COPS2: variants seen among roughly 807,000 people sequenced by gnomAD.
COPS2 encodes the protein COP9 signalosome subunit 2.
In COPS2, 10 loss-of-function variants were observed where a neutral mutation model predicts 66.1. The ratio of observed to expected loss-of-function variants is 0.15; its 90% CI spans 0.09 to 0.26. COPS2 has a LOEUF of 0.26. Among genes scored for constraint, COPS2 ranks in the 10% least tolerant of loss-of-function variants. The probability of loss-of-function intolerance (pLI) is 1.00; values close to 1 mark genes in which losing one functional copy is unlikely to be tolerated. For synonymous variants in COPS2, 179 were observed against 171.3 expected, an observed-to-expected ratio of 1.04 and a Z score of -0.35; for missense variants, 215 against 513.3, an observed-to-expected ratio of 0.42 and a Z score of 5.62.
Position 49,127,982 on chromosome 15 carries a change from G to C in COPS2, c.1300C>G (p.Leu434Val), listed in dbSNP as rs143666055. ...LDKWTNQLNS[L>V]NQAVVSKLA ...AGTTTACTGACTACAGCCTGGTTGA[G>C]AGAATTTAGTTGGTTGGTCCATTTA... The change falls in exon 13 of 13, where the codon CTC becomes GTC. Residue 434 changes from leucine (L) to valine (V), a missense_variant. Coordinates refer to ENST00000388901, the MANE Select transcript of COPS2 (RefSeq NM_004236.4). The C allele has an allele frequency of 6.2e-7, 1 of 1,613,956 alleles. No homozygotes were observed. Among genetic ancestry groups the C allele is most frequent in the East Asian group, 2.2e-5 (1 of 44,872 alleles).
chr15:49,147,061 T>C (rs973002903), intron 1 of COPS2, among the ~76,000 whole-genome samples: 24 of 152,160 alleles, frequency 1.6e-4, no homozygotes, highest in African/African-American at 5.5e-4. Flanking sequence ...AAGGGTATTC[T>C]TTAGGGAAGA....
rs779592559 is a variant in COPS2, at chr15:49,139,645, A to G, written c.255T>C (p.Phe85=). Residue 85 remains phenylalanine, a synonymous_variant, in exon 4 of 13, where the codon TTT becomes TTC. Coordinates refer to ENST00000388901, the MANE Select transcript of COPS2 (RefSeq NM_004236.4). ...MIKINFKLTN[F]PEMMNRYKQL... The stretch of plus-strand genomic sequence containing the variant: ...GCTTATATCTATTCATCATTTCTGG[A>G]AAGTTTGTCTGTGAGAAAAGAAAAA... 1.3e-6 allele frequency: 2 copies of G among 1,584,004 alleles called. No individual in the cohort carries two copies. Among genetic ancestry groups the G allele is most frequent in the Non-Finnish European group, 8.6e-7 (1 of 1,169,166 alleles).
chr15:49,137,239 C>A lies in COPS2; in HGVS notation c.463-12G>T. 1 of 1,581,682 alleles carries A rather than the reference C, an allele frequency of 6.3e-7. No homozygotes were observed. Among genetic ancestry groups the A allele is most frequent in the Admixed American group, 1.9e-5 (1 of 52,728 alleles). ...TATAATTTTCCAAGCTGCAAGAAAG[C>A]AAATTTATTAAAATCAAGATTTCAA... is the stretch of plus-strand genomic sequence containing the variant. On this transcript the variant is annotated splice_polypyrimidine_tract_variant and intron_variant, in intron 5 of 12. Coordinates refer to ENST00000388901, the MANE Select transcript of COPS2 (RefSeq NM_004236.4).
chr15:49,149,820 A>G (rs1363095305), intron 1 of COPS2, among the ~76,000 whole-genome samples: 2 of 152,194 alleles, frequency 1.3e-5, no homozygotes, highest in Non-Finnish European at 2.9e-5. Flanking sequence ...ATATGTTGGC[A>G]CACTAAGAGG....
intron 3 of COPS2, among the ~76,000 whole-genome samples, chr15:49,142,535 G>T (rs1220032796): frequency 6.6e-6 from 1 of 152,194 alleles, no homozygotes; most frequent in Non-Finnish European, 1.5e-5. Context: ...AGGGGAAAAA[G>T]AAAGTGGTAA....
At chr15:49,142,879 G>A (rs1488065813) in intron 3 of COPS2, among the ~76,000 whole-genome samples, 1 of 151,128 alleles carries the variant, frequency 6.6e-6, no homozygotes. Flanking sequence ...TTATAACAAC[G>A]AATAACACAA....
At chr15:49,138,023 A>C (rs1030628496) in intron 4 of COPS2, among the ~76,000 whole-genome samples, 5 of 152,186 alleles carry the variant, frequency 3.3e-5, no homozygotes, top group Non-Finnish European at 5.9e-5. Flanking sequence ...CCTTCCCTCA[A>C]AATTCTTCTA....
At chr15:49,151,801 G>A (rs1468086414) in intron 1 of COPS2, among the ~76,000 whole-genome samples, 2 of 143,970 alleles carry the variant, frequency 1.4e-5, no homozygotes, top group South Asian at 2.2e-4. Flanking sequence ...TTTTATATTC[G>A]TTTCTTTTTT....
At chr15:49,137,263 A>G in intron 5 of COPS2, 36 bp from the exon 6 acceptor site, 1 of 1,552,226 alleles carries the variant, frequency 6.4e-7, no homozygotes, top group Non-Finnish European at 8.8e-7. Context: ...TCAAGATTTC[A>G]ACAGAAGATG....
chr15:49,150,464 C>G (rs1250053582), intron 1 of COPS2, among the ~76,000 whole-genome samples: 3 of 151,998 alleles, frequency 2.0e-5, no homozygotes. Flanking sequence ...TTCTACTGAT[C>G]TTTTTATTAA....
intron 11 of COPS2, 79 bp from the exon 12 acceptor site, chr15:49,128,839 C>T: frequency 1.1e-6 from 1 of 947,304 alleles, no homozygotes; most frequent in Non-Finnish European, 1.6e-6. Flanking sequence ...AATTTTAATT[C>T]ATTTCTATCA....
Position 49,123,877 on chromosome 15 carries a change from G to C in COPS2, c.*4073C>G, listed in dbSNP as rs993998762. The C allele has an allele frequency of 3.3e-5, 5 of 152,154 alleles. No individual in the cohort carries two copies. The highest frequency in any genetic ancestry group is 7.4e-5 in the Non-Finnish European group (5 of 68,026). 9.4% of individuals were successfully genotyped at this position (152,154 alleles called of 1,614,324 possible). ...TAAAATTCAAAAGCAAGTAAGTGATGCTAAACTTTAGCATTTTGAGAAACA... is the reference window on the plus strand; with the variant it reads ...TAAAATTCAAAAGCAAGTAAGTGATCCTAAACTTTAGCATTTTGAGAAACA... On this transcript the variant is annotated 3_prime_UTR_variant, in exon 13 of 13. Coordinates refer to ENST00000388901, the MANE Select transcript of COPS2 (RefSeq NM_004236.4).
chr15:49,139,456 T>C (rs2084275836), intron 4 of COPS2, 72 bp downstream of exon 4: 2 of 1,228,196 alleles, frequency 1.6e-6, no homozygotes, highest in South Asian at 1.3e-5. Context: ...CCTTTCCATC[T>C]ATAAAGAACA....
intron 1 of COPS2, among the ~76,000 whole-genome samples, chr15:49,148,335 T>C (rs679957): frequency 0.34 from 51,278 of 151,906 alleles, 9,265 homozygotes; most frequent in East Asian, 0.58. Context: ...CAGACACACA[T>C]ACTAAGTCCA....
chr15:49,141,811 A>G (rs922921293), intron 3 of COPS2, among the ~76,000 whole-genome samples: 3 of 152,226 alleles, frequency 2.0e-5, no homozygotes, highest in African/African-American at 4.8e-5. Flanking sequence ...AAAATAACAT[A>G]AAATGCAAAA....
chr15:49,155,019 T>A (rs552904591), intron 1 of COPS2, among the ~76,000 whole-genome samples: 16 of 152,242 alleles, frequency 1.1e-4, no homozygotes, highest in Non-Finnish European at 1.5e-4. Flanking sequence ...ATTTAAGCTA[T>A]GTCTCCAGGA....
At chr15:49,135,496 T>C (rs1237770196) in intron 6 of COPS2, among the ~76,000 whole-genome samples, 1 of 152,128 alleles carries the variant, frequency 6.6e-6, no homozygotes, top group Non-Finnish European at 1.5e-5. Context: ...AGGTGAAGCA[T>C]AAACCAAGTG....
At chr15:49,129,394 G>C (rs1001892081) in intron 11 of COPS2, 83 bp downstream of exon 11, 2 of 469,848 alleles carry the variant, frequency 4.3e-6, no homozygotes, top group African/African-American at 2.0e-5. Flanking sequence ...TACCAAGTTA[G>C]AGTGACTCTT....
At chr15:49,154,715 T>C (rs2084399469) in intron 1 of COPS2, among the ~76,000 whole-genome samples, 1 of 152,184 alleles carries the variant, frequency 6.6e-6, no homozygotes, top group Non-Finnish European at 1.5e-5. Flanking sequence ...AACTTGCAAA[T>C]CCATTAATAA....
Sources: gnomAD v4.1 joint callset for allele counts (sites outside exome capture counted in the v4.1 genomes callset) on GRCh38, gnomAD v4.1.1 for gene constraint, MANE v1.5 for transcripts, NCBI Gene and HGNC (gene_info 2026-07-23, HGNC 2026-07-21) for gene names.